CBFA2T2: variants seen among roughly 807,000 people sequenced by gnomAD.
CBFA2T2 encodes protein CBFA2T2.
A neutral mutation model predicts 62.2 loss-of-function variants in CBFA2T2; 11 were observed. That is an observed-to-expected ratio of 0.18 (90% CI 0.11 to 0.29). The LOEUF is 0.29. Among genes scored for constraint, CBFA2T2 ranks in the 10% least tolerant of loss-of-function variants. The probability of loss-of-function intolerance (pLI) is 1.00; values close to 1 mark genes in which losing one functional copy is unlikely to be tolerated. For missense variants in CBFA2T2, 592 were observed against 774.1 expected (o/e 0.76, Z 2.79); for synonymous variants, 295 against 287.5 (o/e 1.03, Z -0.27).
intron 1 of CBFA2T2, among the ~76,000 whole-genome samples, chr20:33,533,233 A>G (rs902758936): frequency 6.6e-5 from 10 of 152,208 alleles, no homozygotes; most frequent in East Asian, 1.9e-4. Context: ...AAGATAGTCA[A>G]CATATCATTC....
chr20:33,569,456 A>C (rs779808218), intron 1 of CBFA2T2, among the ~76,000 whole-genome samples: 1 of 152,208 alleles, frequency 6.6e-6, no homozygotes, highest in Admixed American at 6.5e-5. Flanking sequence ...TAAGTGTTCC[A>C]CTTTGGTTAT....
intron 1 of CBFA2T2, among the ~76,000 whole-genome samples, chr20:33,602,576 C>G (rs1457501551): frequency 6.6e-6 from 1 of 151,906 alleles, no homozygotes; most frequent in Non-Finnish European, 1.5e-5. Context: ...CCCCCTTACC[C>G]ACGTGGAATA....
At chr20:33,511,713 A>G (rs1403101197) in intron 1 of CBFA2T2, among the ~76,000 whole-genome samples, 1 of 152,208 alleles carries the variant, frequency 6.6e-6, no homozygotes, top group African/African-American at 2.4e-5. Flanking sequence ...CTGTGTAGCT[A>G]CTATGTAGAT....
intron 3 of CBFA2T2, chr20:33,618,363 G>T (rs1275982055): frequency 6.6e-6 from 1 of 152,080 alleles, no homozygotes; most frequent in Non-Finnish European, 1.5e-5. Context: ...GTTTTAATTT[G>T]TTATCATACA....
chr20:33,508,858 T>C (rs2011452722), intron 1 of CBFA2T2, among the ~76,000 whole-genome samples: 2 of 152,146 alleles, frequency 1.3e-5, no homozygotes, highest in Non-Finnish European at 2.9e-5. Context: ...TTAACTTAAT[T>C]GGTTTGATTT....
Position 33,628,389 on chromosome 20 carries a change from G to A in CBFA2T2, c.986G>A (p.Arg329His), listed in dbSNP as rs376931051. The change falls in exon 7 of 11, where the codon CGT becomes CAT. Residue 329 changes from arginine to histidine, a missense_variant. Transcript: ENST00000342704. ...GGYQDELVDH[R>H]LTEREWADEW... Reference sequence around the variant, plus strand: ...TATCAAGATGAGTTGGTAGATCATCGTTTGACAGAAAGGGAATGGGCTGAT... The same window carrying A: ...TATCAAGATGAGTTGGTAGATCATCATTTGACAGAAAGGGAATGGGCTGAT... 3 of 1,613,198 alleles carry A rather than the reference G, an allele frequency of 1.9e-6. No homozygotes were observed. Among genetic ancestry groups the A allele is most frequent in the East Asian group, 4.5e-5 (2 of 44,884 alleles).
intron 1 of CBFA2T2, among the ~76,000 whole-genome samples, chr20:33,561,019 A>G (rs934562283): frequency 6.6e-6 from 1 of 152,112 alleles, no homozygotes; most frequent in African/African-American, 2.4e-5. Context: ...CTGGGATTAC[A>G]GGTGCGTACC....
At chr20:33,579,910 G>A (rs979365336) in intron 1 of CBFA2T2, among the ~76,000 whole-genome samples, 2 of 151,104 alleles carry the variant, frequency 1.3e-5, no homozygotes, top group Admixed American at 1.3e-4. Context: ...TGCCTCCCAT[G>A]TTCAAGCAAT....
At chr20:33,636,597 A>G in intron 8 of CBFA2T2, 43 bp from the exon 9 acceptor site, 1 of 1,444,046 alleles carries the variant, frequency 6.9e-7, no homozygotes, top group Non-Finnish European at 9.7e-7. Flanking sequence ...ACTGCTGATC[A>G]TAGACAGCTT....
chr20:33,634,891 G>T (rs906099747), intron 8 of CBFA2T2, among the ~76,000 whole-genome samples: 9 of 152,010 alleles, frequency 5.9e-5, no homozygotes, highest in Non-Finnish European at 1.0e-4. Context: ...GAAATAAACA[G>T]AAATGGGAAT....
chr20:33,561,158 G>A (rs1215870601), intron 1 of CBFA2T2, among the ~76,000 whole-genome samples: 5 of 152,200 alleles, frequency 3.3e-5, no homozygotes, highest in African/African-American at 1.2e-4. Context: ...TTACTGGTGT[G>A]AGCCACAGTG....
At chr20:33,566,467 G>A (rs1239862690) in intron 1 of CBFA2T2, among the ~76,000 whole-genome samples, 1 of 152,004 alleles carries the variant, frequency 6.6e-6, no homozygotes, top group Non-Finnish European at 1.5e-5. Flanking sequence ...TTAGCCGGGC[G>A]TGGTGACATG....
At chr20:33,537,002 G>T (rs1398324129) in intron 1 of CBFA2T2, among the ~76,000 whole-genome samples, 1 of 151,968 alleles carries the variant, frequency 6.6e-6, no homozygotes, top group Non-Finnish European at 1.5e-5. Flanking sequence ...TCACTTTCCA[G>T]ACTGGGCAGC....
intron 3 of CBFA2T2, 125 bp downstream of exon 3, chr20:33,611,460 G>C (rs2015526061): frequency 9.5e-7 from 1 of 1,056,784 alleles, no homozygotes. Flanking sequence ...CTACAGACTA[G>C]ACTAGTTATT....
chr20:33,588,357 GAAATATATATATAT>G (rs2014469481), intron 1 of CBFA2T2, among the ~76,000 whole-genome samples: 1 of 149,684 alleles, frequency 6.7e-6, no homozygotes, highest in Non-Finnish European at 1.5e-5. Context: ...TGCAAATGAA[GAAATATATATATAT>G]AAATATATAT....
chr20:33,494,040 C>T (rs1432353623), intron 1 of CBFA2T2, among the ~76,000 whole-genome samples: 1 of 150,480 alleles, frequency 6.6e-6, no homozygotes, highest in South Asian at 2.1e-4. Context: ...ATGGCACCAC[C>T]CCTGGTAATT....
At chr20:33,582,052 C>T (rs1277402125) in intron 1 of CBFA2T2, among the ~76,000 whole-genome samples, 1 of 151,766 alleles carries the variant, frequency 6.6e-6, no homozygotes, top group Non-Finnish European at 1.5e-5. Context: ...CTTTTTTGTC[C>T]CAGTCTACTT....
chr20:33,525,006 T>G (rs1347134104), intron 1 of CBFA2T2, among the ~76,000 whole-genome samples: 1 of 152,138 alleles, frequency 6.6e-6, no homozygotes, highest in African/African-American at 2.4e-5. Context: ...GGCTAATTTT[T>G]GTATTTTTTA....
At chr20:33,592,271 G>A (rs916824517) in intron 1 of CBFA2T2, among the ~76,000 whole-genome samples, 2 of 151,540 alleles carry the variant, frequency 1.3e-5, no homozygotes, top group Non-Finnish European at 2.9e-5. Flanking sequence ...GCTGAGGCAG[G>A]AGAATTGCTG....
Sources: gnomAD v4.1 joint callset for allele counts (sites outside exome capture counted in the v4.1 genomes callset) on GRCh38, gnomAD v4.1.1 for gene constraint, MANE v1.5 for transcripts, NCBI Gene and HGNC (gene_info 2026-07-23, HGNC 2026-07-21) for gene names.